Variants in STK4 observed in about 807,000 individuals in gnomAD.
The protein encoded by STK4 is serine/threonine-protein kinase 4.
Under a neutral mutation model 64.9 loss-of-function variants are expected in STK4, and 30 were observed. The ratio of observed to expected loss-of-function variants is 0.46; its 90% confidence interval spans 0.35 to 0.63. The LOEUF is 0.63. STK4 is among the 20% of genes least tolerant of loss of function. STK4 has a pLI of 0.01. For missense variants in STK4, 466 were observed against 598.5 expected, an observed-to-expected ratio of 0.78 and a Z score of 2.31; for synonymous variants, 177 against 199.0, an observed-to-expected ratio of 0.89 and a Z score of 0.93.
intron 5 of STK4, among the ~76,000 whole-genome samples, chr20:44,988,493 GTGTA>G (rs766931294): frequency 1.4e-5 from 2 of 144,266 alleles, no homozygotes; most frequent in South Asian, 2.2e-4. Context: ...AAAAAAAAAT[GTGTA>G]TGTATGTATG....
intron 10 of STK4, among the ~76,000 whole-genome samples, chr20:45,031,925 A>T (rs1186252402): frequency 1.3e-5 from 2 of 151,456 alleles, no homozygotes; most frequent in Non-Finnish European, 2.9e-5. Context: ...AAAAAAAAAA[A>T]TCAGATGAAA....
chr20:44,967,253 C>G, intron 1 of STK4: 1 of 983,316 alleles, frequency 1.0e-6, no homozygotes, highest in Non-Finnish European at 1.2e-6. Context: ...CTCAGCTCTT[C>G]AGAACCTGAC....
chr20:44,989,836 T>TAGTTGCTTGATGGGAGAGGAAG (rs2067600324), intron 5 of STK4, among the ~76,000 whole-genome samples: 1 of 152,220 alleles, frequency 6.6e-6, no homozygotes, highest in South Asian at 2.1e-4. Context: ...TTGAAAAGAC[T>TAGTTGCTTGATGGGAGAGGAAG]GTTTTTTCTT....
At chr20:45,069,871 TAAATA>T (rs1381317410) in intron 10 of STK4, among the ~76,000 whole-genome samples, 3 of 152,024 alleles carry the variant, frequency 2.0e-5, no homozygotes, top group Non-Finnish European at 4.4e-5. Flanking sequence ...TAAAAGAAAA[TAAATA>T]AAAATAATTA....
At chr20:44,969,790 G>T (rs2067212690) in intron 1 of STK4, among the ~76,000 whole-genome samples, 1 of 152,134 alleles carries the variant, frequency 6.6e-6, no homozygotes, top group Non-Finnish European at 1.5e-5. Flanking sequence ...GAGTCAGGCT[G>T]TTTTGGTAAT....
intron 10 of STK4, among the ~76,000 whole-genome samples, chr20:45,060,364 C>G (rs1302684772): frequency 6.6e-6 from 1 of 152,200 alleles, no homozygotes; most frequent in Admixed American, 6.5e-5. Flanking sequence ...TATAACCAAA[C>G]TTGCATTTCA....
chr20:44,986,809 A>G (rs1236346799), intron 4 of STK4, among the ~76,000 whole-genome samples: 1 of 152,134 alleles, frequency 6.6e-6, no homozygotes, highest in East Asian at 1.9e-4. Context: ...GAGAGGGAGG[A>G]CTGTGGGAGA....
chr20:45,061,633 C>T (rs1180389411), intron 10 of STK4, among the ~76,000 whole-genome samples: 1 of 141,720 alleles, frequency 7.1e-6, no homozygotes, highest in Non-Finnish European at 1.5e-5. Context: ...TTCAGGGGTA[C>T]ATGTGCAGTT....
chr20:44,984,937 C>T (rs1568690081), intron 4 of STK4, among the ~76,000 whole-genome samples: 1 of 151,788 alleles, frequency 6.6e-6, no homozygotes, highest in Non-Finnish European at 1.5e-5. Context: ...CCAGCCACTG[C>T]GTCTGCTTGT....
rs1335908744 is a variant in STK4, at chr20:45,001,344, A to T, written c.1138A>T (p.Thr380Ser). The change falls in exon 9 of 11, where the codon ACT becomes TCT. Residue 380 changes from threonine (T) to serine (S), a missense_variant. Transcript: ENST00000372806. ...TGCAGAGGATGAGGAAGAGGAAGGA[A>T]CTATGAAAAGTAAGGCTCTGAGTAA... is the stretch of plus-strand genomic sequence containing the variant. ...INAEDEEEEG[T>S]MKRRDETMQP... 1.9e-6 allele frequency: 3 copies of T among 1,608,712 alleles called. No individual in the cohort carries two copies. The highest frequency in any genetic ancestry group is 2.6e-6 in the Non-Finnish European group (3 of 1,175,474).
chr20:44,995,560 C>T (rs888996101), intron 6 of STK4, among the ~76,000 whole-genome samples: 2 of 126,072 alleles, frequency 1.6e-5, no homozygotes, highest in African/African-American at 6.3e-5. Flanking sequence ...GAGCTGAGAT[C>T]GTGACACTGT....
intron 9 of STK4, among the ~76,000 whole-genome samples, chr20:45,004,895 A>G (rs2067909929): frequency 6.6e-6 from 1 of 151,092 alleles, no homozygotes. Context: ...CAGCCTCCCA[A>G]GTAGCTGGGA....
chr20:45,041,602 C>T (rs2068614925), intron 10 of STK4, among the ~76,000 whole-genome samples: 1 of 151,776 alleles, frequency 6.6e-6, no homozygotes, highest in Non-Finnish European at 1.5e-5. Context: ...ATAGGGAATG[C>T]AATTTTTTAT....
At chr20:44,976,824 A>G (rs1190263558) in intron 2 of STK4, among the ~76,000 whole-genome samples, 1 of 152,200 alleles carries the variant, frequency 6.6e-6, no homozygotes, top group Non-Finnish European at 1.5e-5. Context: ...CATCTGGGTA[A>G]TTCTCGTAGT....
chr20:45,000,790 G>T (rs959270731), intron 8 of STK4, among the ~76,000 whole-genome samples: 3 of 152,182 alleles, frequency 2.0e-5, no homozygotes, highest in African/African-American at 4.8e-5. Flanking sequence ...AGAATGCTCA[G>T]GTCTGGGACT....
At chr20:44,984,117 A>G (rs1030758788) in intron 4 of STK4, among the ~76,000 whole-genome samples, 3 of 150,292 alleles carry the variant, frequency 2.0e-5, no homozygotes, top group Non-Finnish European at 4.4e-5. Context: ...TGCCATTGTA[A>G]TAGTAGGTTA....
At chr20:45,000,105 A>C (rs930424759) in intron 7 of STK4, among the ~76,000 whole-genome samples, 3 of 152,192 alleles carry the variant, frequency 2.0e-5, no homozygotes, top group African/African-American at 7.2e-5. Flanking sequence ...ACATGTTTAC[A>C]CAAGTTCCTC....
chr20:45,026,628 T>C (rs967265245), intron 10 of STK4, among the ~76,000 whole-genome samples: 2 of 152,170 alleles, frequency 1.3e-5, no homozygotes, highest in African/African-American at 2.4e-5. Flanking sequence ...GACTTTAGCT[T>C]TTACTCTTGA....
At chr20:45,000,285 G>A (rs567554008) in intron 7 of STK4, 107 bp from the exon 8 acceptor site, 4 of 1,375,158 alleles carry the variant, frequency 2.9e-6, no homozygotes, top group African/African-American at 1.5e-5. Context: ...GATCAGATTC[G>A]TTGATTGATT....
Sources: allele counts gnomAD v4.1 joint callset (sites outside exome capture counted in the v4.1 genomes callset), GRCh38; gene constraint gnomAD v4.1.1; transcripts MANE v1.5; gene names NCBI Gene and HGNC (gene_info 2026-07-23, HGNC 2026-07-21).